SHROOM3: variants seen among roughly 807,000 people sequenced by gnomAD.
SHROOM3 encodes shroom family member 3.
Under a neutral mutation model 138.6 loss-of-function variants are expected in SHROOM3, and 47 were observed. The ratio of observed to expected loss-of-function variants is 0.34; its 90% confidence interval spans 0.27 to 0.43. The LOEUF (loss-of-function observed/expected upper bound fraction) is 0.43. Ranked by LOEUF, SHROOM3 falls within the 20% of genes least tolerant of loss-of-function variation. The pLI is 1.00. For missense variants in SHROOM3, 2,491 were observed against 2,596.5 expected, an observed-to-expected ratio of 0.96 and a Z score of 0.88; for synonymous variants, 1,062 against 1,063.3, an observed-to-expected ratio of 1.00 and a Z score of 0.02.
intron 1 of SHROOM3, among the ~76,000 whole-genome samples, chr4:76,487,847 G>A (rs1217299575): frequency 2.0e-5 from 3 of 152,062 alleles, no homozygotes; most frequent in Non-Finnish European, 4.4e-5. Flanking sequence ...ACTATTCTAG[G>A]GCTCTTGCTC....
intron 2 of SHROOM3, among the ~76,000 whole-genome samples, chr4:76,693,487 G>A (rs9993810): frequency 0.34 from 50,914 of 149,272 alleles, 9,328 homozygotes; most frequent in African/African-American, 0.48. Flanking sequence ...GGGTTCAAGC[G>A]ATTCTCCTGC....
intron 1 of SHROOM3, among the ~76,000 whole-genome samples, chr4:76,448,896 C>T (rs1302578168): frequency 6.6e-6 from 1 of 152,126 alleles, no homozygotes; most frequent in Non-Finnish European, 1.5e-5. Flanking sequence ...GGAAGGAATC[C>T]CATAGAATCT....
intron 2 of SHROOM3, among the ~76,000 whole-genome samples, chr4:76,562,483 A>C (rs745826423): frequency 1.2e-4 from 19 of 152,246 alleles, no homozygotes; most frequent in Non-Finnish European, 2.2e-4. Context: ...CAAGTCAATG[A>C]TCTTAAAAGA....
At chr4:76,550,141 A>G (rs1390016206) in intron 1 of SHROOM3, among the ~76,000 whole-genome samples, 1 of 152,244 alleles carries the variant, frequency 6.6e-6, no homozygotes, top group East Asian at 1.9e-4. Context: ...GTGAATGTGC[A>G]TGTTTTTTAA....
chr4:76,710,638 G>A (rs1365277525), intron 3 of SHROOM3, among the ~76,000 whole-genome samples: 1 of 151,922 alleles, frequency 6.6e-6, no homozygotes, highest in Non-Finnish European at 1.5e-5. Flanking sequence ...TTTATACCTT[G>A]GAAATGATCA....
At chr4:76,624,939 T>A (rs1194645075) in intron 2 of SHROOM3, among the ~76,000 whole-genome samples, 1 of 152,220 alleles carries the variant, frequency 6.6e-6, no homozygotes, top group African/African-American at 2.4e-5. Context: ...TATGACCTAT[T>A]GTTTCTTCAT....
chr4:76,589,231 GC>G (rs1734212132), intron 2 of SHROOM3, among the ~76,000 whole-genome samples: 1 of 152,226 alleles, frequency 6.6e-6, no homozygotes, highest in African/African-American at 2.4e-5. Context: ...ACTTTGGGAG[GC>G]CAAGGTGGGC....
At chr4:76,626,749 T>G (rs1454942738) in intron 2 of SHROOM3, among the ~76,000 whole-genome samples, 1 of 152,232 alleles carries the variant, frequency 6.6e-6, no homozygotes, top group East Asian at 1.9e-4. Flanking sequence ...GATCACCTAG[T>G]AAGTGGCAAA....
chr4:76,666,298 C>T (rs1304051392), intron 2 of SHROOM3, among the ~76,000 whole-genome samples: 2 of 152,176 alleles, frequency 1.3e-5, no homozygotes, highest in Non-Finnish European at 2.9e-5. Context: ...TACTTCTATT[C>T]AGATACATCA....
intron 10 of SHROOM3, among the ~76,000 whole-genome samples, chr4:76,775,977 T>C (rs920435809): frequency 3.9e-5 from 6 of 152,098 alleles, no homozygotes; most frequent in African/African-American, 1.4e-4. Flanking sequence ...ACTTCTTTTC[T>C]CTGGATAGAT....
chr4:76,607,113 C>A (rs1021936587), intron 2 of SHROOM3, among the ~76,000 whole-genome samples: 3 of 152,104 alleles, frequency 2.0e-5, no homozygotes, highest in African/African-American at 7.2e-5. Context: ...CAAATACAAA[C>A]AAATACTCAT....
chr4:76,694,330 G>A (rs921302462), intron 2 of SHROOM3, among the ~76,000 whole-genome samples: 3 of 151,178 alleles, frequency 2.0e-5, no homozygotes, highest in African/African-American at 7.3e-5. Flanking sequence ...TTTTCTCAGA[G>A]CAGAGAGGTC....
chr4:76,702,772 TGGGCTACTAGCTGTGTCAAA>T, intron 2 of SHROOM3, among the ~76,000 whole-genome samples: 1 of 152,198 alleles, frequency 6.6e-6, no homozygotes, highest in East Asian at 1.9e-4. Context: ...GCACTTGTCC[TGGGCTACTAGCTGTGTCAAA>T]GGGCTCAGTG....
chr4:76,741,713 C>T lies in SHROOM3; in HGVS notation c.3540C>T (p.Leu1180=), dbSNP rs1318171273. The part of the protein sequence containing the change: ...RSSSFAGGRR[L]GERRRGDLLS... ...GCTCCTTCGCCGGTGGCCGCCGCCT[C>T]GGGGAACGGCGACGCGGGGACCTGC... Residue 1180 remains leucine, a synonymous_variant, in exon 5 of 11, where the codon CTC becomes CTT. Coordinates refer to ENST00000296043, the MANE Select transcript of SHROOM3 (RefSeq NM_020859.4). The surrounding 1 kb of genome is among the most constrained non-coding windows in gnomAD (Gnocchi z 6.2). 5.8e-6 allele frequency: 9 copies of T among 1,554,134 alleles called. No individual in the cohort carries two copies. In the South Asian group the frequency reaches 9.5e-5, roughly 16 times the overall value.
chr4:76,742,261 T>A, intron 5 of SHROOM3: 1 of 365,564 alleles, frequency 2.7e-6, no homozygotes, highest in East Asian at 6.5e-5. Flanking sequence ...TTTTTTTTTT[T>A]TAATGGATTA....
At chr4:76,680,920 C>T (rs1415164076) in intron 2 of SHROOM3, among the ~76,000 whole-genome samples, 1 of 152,194 alleles carries the variant, frequency 6.6e-6, no homozygotes, top group South Asian at 2.1e-4. Context: ...TCAATGAGCC[C>T]GGCACCTCCC....
At position 76,748,837 on chromosome 4, in the gene SHROOM3, TA is replaced by T. The variant is rs71212449; in HGVS notation, c.3754-177del. Among the ~76,000 whole-genome samples, 902 of 144,246 alleles carry T rather than the reference TA, an allele frequency of 6.3e-3. 107 individuals are homozygous for T. Among genetic ancestry groups the T allele is most frequent in the Middle Eastern group, 0.011 (3 of 262 alleles). 94.6% of individuals were successfully genotyped at this position (144,246 alleles called of 152,430 possible). A position where few individuals can be genotyped will look rare whatever the true frequency, so the allele number is the denominator to read the frequency against. ...TGCTTTTTTTTTTTTTTTTTTTTTTTAAATCTTCGGCTTATCTCCTGCATCG... is the reference window on the plus strand; with the variant it reads ...TGCTTTTTTTTTTTTTTTTTTTTTTTAATCTTCGGCTTATCTCCTGCATCG... On this transcript the variant is annotated intron_variant, in intron 5 of 10. Coordinates refer to ENST00000296043, the MANE Select transcript of SHROOM3 (RefSeq NM_020859.4).
chr4:76,781,632 A>G lies in SHROOM3; in HGVS notation c.*2455A>G, dbSNP rs1400701080. 2.0e-5 allele frequency: 3 copies of G among 152,228 alleles called. No individual in the cohort carries two copies. Among genetic ancestry groups the G allele is most frequent in the African/African-American group, 7.2e-5 (3 of 41,460 alleles). The allele number at this position is 152,228 out of a possible 1,614,324, so 9.4% of individuals were successfully genotyped here. A position where few individuals can be genotyped will look rare whatever the true frequency, so the allele number is the denominator to read the frequency against. On this transcript the variant is annotated 3_prime_UTR_variant, in exon 11 of 11. Transcript: ENST00000296043. ...GAAATCTAATTTTTAGGTGGATGTG[A>G]TATTTATTGTAATAGGACTTGACCT...
At chr4:76,441,363 G>C (rs1579155429) in intron 1 of SHROOM3, among the ~76,000 whole-genome samples, 1 of 152,160 alleles carries the variant, frequency 6.6e-6, no homozygotes, top group East Asian at 1.9e-4. Context: ...AAAGTGTTGG[G>C]ATTACAGGCG....
Sources: allele counts gnomAD v4.1 joint callset (sites outside exome capture counted in the v4.1 genomes callset), GRCh38; gene constraint gnomAD v4.1.1; non-coding constraint Gnocchi (gnomAD v3.1); transcripts MANE v1.5; gene names NCBI Gene and HGNC (gene_info 2026-07-23, HGNC 2026-07-21).